LUZP2: variants seen among roughly 807,000 people sequenced by gnomAD.
The protein encoded by LUZP2 is leucine zipper protein 2.
LUZP2 carries 52 observed loss-of-function variants against 51.6 expected under a neutral mutation model. The observed-to-expected ratio is 1.01, with a 90% confidence interval of 0.81 to 1.27. The LOEUF is 1.27. Among genes scored for constraint, LUZP2 ranks in the 50% most tolerant of loss-of-function variants. The pLI, the probability that LUZP2 is intolerant of heterozygous loss-of-function variation, is 0.00. For missense variants in LUZP2, 436 were observed against 395.4 expected, an observed-to-expected ratio of 1.10 and a Z score of -0.87; for synonymous variants, 154 against 137.3, an observed-to-expected ratio of 1.12 and a Z score of -0.85.
intron 1 of LUZP2, among the ~76,000 whole-genome samples, chr11:24,549,341 A>G (rs1851655254): frequency 4.6e-5 from 7 of 152,102 alleles, no homozygotes; most frequent in Admixed American, 4.6e-4. Flanking sequence ...CTCCATGGGC[A>G]TCAGCACACA....
intron 5 of LUZP2, 39 bp downstream of exon 5, chr11:24,763,347 C>T: frequency 1.1e-6 from 1 of 948,804 alleles, no homozygotes; most frequent in South Asian, 2.3e-5. Flanking sequence ...TTATATAGAT[C>T]AAATAATATA....
In LUZP2 at chr11:25,080,822, T is replaced by C. The variant is rs1172028868; in HGVS notation, c.*2164T>C. 6.6e-6 allele frequency: 1 copy of C among 152,064 alleles called. No homozygotes were observed. The highest frequency in any genetic ancestry group is 1.5e-5 in the Non-Finnish European group (1 of 68,030). 9.4% of individuals were successfully genotyped at this position (152,064 alleles called of 1,614,324 possible). On this transcript the variant is annotated 3_prime_UTR_variant, in exon 12 of 12. Transcript: ENST00000336930. ...ACCATGTAATCTAGCACAGCATGTT[T>C]TGAAGCATCTTTGGAATGAAAAAAA...
chr11:24,566,406 A>G (rs1852221094), intron 1 of LUZP2, among the ~76,000 whole-genome samples: 1 of 146,544 alleles, frequency 6.8e-6, no homozygotes, highest in Non-Finnish European at 1.5e-5. Context: ...ACGGCTTACC[A>G]CAACCTCCAC....
intron 1 of LUZP2, among the ~76,000 whole-genome samples, chr11:24,608,379 T>A (rs1854006604): frequency 1.3e-5 from 2 of 152,210 alleles, no homozygotes; most frequent in African/African-American, 2.4e-5. Context: ...AAACTTTTGA[T>A]TTCTGTTATG....
At chr11:24,533,481 C>T (rs1042063275) in intron 1 of LUZP2, among the ~76,000 whole-genome samples, 23 of 151,438 alleles carry the variant, frequency 1.5e-4, no homozygotes, top group Admixed American at 6.6e-4. Flanking sequence ...AAACCTCCAA[C>T]GACCTAAATC....
At chr11:24,912,617 T>C (rs139910537) in intron 6 of LUZP2, among the ~76,000 whole-genome samples, 315 of 152,228 alleles carry the variant, frequency 2.1e-3, no homozygotes, top group African/African-American at 7.2e-3. Flanking sequence ...GAGACAAGCC[T>C]GGACAACACA....
chr11:24,632,981 C>T (rs1357998347), intron 1 of LUZP2, among the ~76,000 whole-genome samples: 3 of 151,922 alleles, frequency 2.0e-5, no homozygotes, highest in Non-Finnish European at 4.4e-5. Flanking sequence ...TGTTGAGTTC[C>T]TGTTTGTTAA....
At chr11:24,576,833 A>G (rs1266140817) in intron 1 of LUZP2, among the ~76,000 whole-genome samples, 1 of 152,156 alleles carries the variant, frequency 6.6e-6, no homozygotes, top group African/African-American at 2.4e-5. Context: ...CTTGTTATAT[A>G]TATGAAATTG....
chr11:24,593,562 A>G (rs1038624956), intron 1 of LUZP2, among the ~76,000 whole-genome samples: 13 of 152,152 alleles, frequency 8.5e-5, no homozygotes, highest in African/African-American at 3.1e-4. Flanking sequence ...CTTGCCCAGA[A>G]CATCTCAAAT....
At chr11:24,746,721 G>A (rs1335159545) in intron 4 of LUZP2, among the ~76,000 whole-genome samples, 1 of 152,134 alleles carries the variant, frequency 6.6e-6, no homozygotes, top group African/African-American at 2.4e-5. Flanking sequence ...CATAATCCCA[G>A]ACTTCTTGGA....
chr11:24,747,769 C>T (rs1031522131), intron 4 of LUZP2, among the ~76,000 whole-genome samples: 1 of 152,034 alleles, frequency 6.6e-6, no homozygotes, highest in Non-Finnish European at 1.5e-5. Context: ...TCCCAGGTGA[C>T]TGGAGTTGTG....
chr11:24,657,543 C>A (rs1279009511), intron 1 of LUZP2, among the ~76,000 whole-genome samples: 2 of 152,150 alleles, frequency 1.3e-5, no homozygotes, highest in Admixed American at 1.3e-4. Flanking sequence ...TCTCTCACCA[C>A]TCCTATTCAA....
intron 5 of LUZP2, among the ~76,000 whole-genome samples, chr11:24,797,979 A>T (rs1340360555): frequency 6.6e-6 from 1 of 152,146 alleles, no homozygotes; most frequent in African/African-American, 2.4e-5. Context: ...AAAAATACAA[A>T]GTAAAAGGAG....
chr11:24,844,826 G>GTGA (rs1851148852), intron 5 of LUZP2, among the ~76,000 whole-genome samples: 1 of 152,218 alleles, frequency 6.6e-6, no homozygotes. Context: ...CTTCCATGTG[G>GTGA]TGTTGAACCT....
intron 1 of LUZP2, among the ~76,000 whole-genome samples, chr11:24,715,519 G>T (rs1321551123): frequency 6.6e-6 from 1 of 151,994 alleles, no homozygotes; most frequent in African/African-American, 2.4e-5. Context: ...TTTATAATTT[G>T]CATGAACACA....
chr11:24,951,129 T>C lies in LUZP2; in HGVS notation c.523-25462T>C, dbSNP rs144501691. Among the ~76,000 whole-genome samples, 401 of 151,698 alleles carry C rather than the reference T, an allele frequency of 2.6e-3. 3 individuals carry two copies. In the East Asian group the frequency reaches 0.031, roughly 12 times the overall value. ...ATAACTGGGAATAAAATGTACATTA[T>C]CTTATGTAGATTTGCGAGAATATAC... On this transcript the variant is annotated intron_variant, in intron 7 of 11. Coordinates refer to ENST00000336930, the MANE Select transcript of LUZP2 (RefSeq NM_001009909.4).
At chr11:24,734,814 G>A (rs933335612) in intron 3 of LUZP2, among the ~76,000 whole-genome samples, 13 of 151,770 alleles carry the variant, frequency 8.6e-5, no homozygotes, top group African/African-American at 2.2e-4. Flanking sequence ...CATCTTCTCC[G>A]AGTTTGAAAG....
intron 1 of LUZP2, among the ~76,000 whole-genome samples, chr11:24,626,353 G>A (rs1433200702): frequency 6.6e-6 from 1 of 152,136 alleles, no homozygotes; most frequent in African/African-American, 2.4e-5. Context: ...TCCTTAGCAA[G>A]CAGCAGGCTT....
intron 8 of LUZP2, among the ~76,000 whole-genome samples, chr11:24,977,726 A>G (rs889111104): frequency 6.6e-6 from 1 of 151,470 alleles, no homozygotes; most frequent in Non-Finnish European, 1.5e-5. Context: ...ACATATGCCC[A>G]TAATATGTAT....
Sources: gnomAD v4.1 joint callset for allele counts (sites outside exome capture counted in the v4.1 genomes callset) on GRCh38, gnomAD v4.1.1 for gene constraint, MANE v1.5 for transcripts, NCBI Gene and HGNC (gene_info 2026-07-23, HGNC 2026-07-21) for gene names.